The following DMD variants were observed in gnomAD, a reference collection of about 807,000 sequenced individuals.
The protein encoded by DMD is mutant dystrophin.
Under a neutral mutation model 330.1 loss-of-function variants are expected in DMD, and 63 were observed. The observed-to-expected ratio is 0.19, with a 90% CI of 0.16 to 0.24. DMD has a LOEUF of 0.24. Ranked by LOEUF, DMD falls within the 10% of genes least tolerant of loss-of-function variation. DMD has a pLI of 1.00. For missense variants in DMD, 3,344 were observed against 2,684.1 expected (o/e 1.25, Z -5.43); for synonymous variants, 1,223 against 959.8 (o/e 1.27, Z -5.07).
chrX:32,797,216 G>T (rs1022538754), intron 7 of DMD, among the ~76,000 whole-genome samples: 2 of 110,645 alleles, frequency 1.8e-5, no homozygotes, highest in Non-Finnish European at 3.8e-5. Flanking sequence ...TTGAACTCCT[G>T]GCCTAAAGCA....
intron 1 of DMD, among the ~76,000 whole-genome samples, chrX:33,239,670 A>C (rs1321442408): frequency 8.9e-6 from 1 of 111,882 alleles, no homozygotes; most frequent in Non-Finnish European, 1.9e-5. Context: ...GTTCAACATG[A>C]TGGTTTGAAG....
At chrX:32,638,025 G>A (rs942265098) in intron 11 of DMD, among the ~76,000 whole-genome samples, 1 of 111,571 alleles carries the variant, frequency 9.0e-6, no homozygotes, top group Non-Finnish European at 1.9e-5. Context: ...TAGTACAAGA[G>A]ATGTCCACAT....
chrX:33,294,312 T>C (rs1165720822), intron 1 of DMD, among the ~76,000 whole-genome samples: 1 of 111,414 alleles, frequency 9.0e-6, no homozygotes, highest in African/African-American at 3.3e-5. Context: ...CGGGACAGCA[T>C]CCATGGAGCC....
intron 12 of DMD, among the ~76,000 whole-genome samples, chrX:32,607,405 T>C (rs2056817973): frequency 9.2e-6 from 1 of 109,288 alleles, no homozygotes; most frequent in Non-Finnish European, 1.9e-5. Context: ...TAGACCATTA[T>C]GTAAAAATAG....
rs980726430 is a variant in DMD at position 31,712,829 on chromosome X, C to CT, written c.7660+16801dup. On this transcript the variant is annotated intron_variant, in intron 52 of 78. Transcript: ENST00000357033. ...GTGAAAATATGGGTAAGTTTCATGT[C>CT]TTTTCTGGTCATCATTAAGGAAACA... 4.5e-5 allele frequency among the ~76,000 whole-genome samples: 5 copies of CT among 111,551 alleles called. No homozygotes were observed. The Admixed American group carries it at 4.8e-4, about 11-fold the overall frequency.
intron 77 of DMD, among the ~76,000 whole-genome samples, chrX:31,127,954 C>T (rs186393543): frequency 5.0e-4 from 55 of 110,681 alleles, no homozygotes; most frequent in African/African-American, 1.7e-3. Flanking sequence ...AGCTTGACCA[C>T]GTAAGGGCCA....
chrX:31,303,299 C>T (rs1350029029), intron 62 of DMD, among the ~76,000 whole-genome samples: 1 of 110,843 alleles, frequency 9.0e-6, no homozygotes. Flanking sequence ...AACCCAGATG[C>T]GCCTCCTTCT....
chrX:33,331,296 C>T (rs921531336), intron 1 of DMD, among the ~76,000 whole-genome samples: 1 of 111,692 alleles, frequency 9.0e-6, no homozygotes, highest in Non-Finnish European at 1.9e-5. Context: ...CAGGCTTTTA[C>T]TTAATCTCCT....
chrX:32,853,713 T>A, intron 2 of DMD, among the ~76,000 whole-genome samples: 1 of 97,307 alleles, frequency 1.0e-5, no homozygotes. Context: ...GAATAAGTTC[T>A]TAATAATAAA....
At chrX:31,242,729 T>TGC (rs1212292787) in intron 63 of DMD, among the ~76,000 whole-genome samples, 2 of 109,560 alleles carry the variant, frequency 1.8e-5, no homozygotes, top group Non-Finnish European at 3.8e-5. Flanking sequence ...TGTGTGTGTG[T>TGC]GTGTGTCATA....
chrX:31,921,377 C>T (rs2094687763), intron 47 of DMD, among the ~76,000 whole-genome samples: 1 of 111,626 alleles, frequency 9.0e-6, no homozygotes, highest in African/African-American at 3.3e-5. Flanking sequence ...AAAGTAATAT[C>T]AGCGGAATAG....
chrX:33,026,313 CAAAAAAAAAAAAAAAAAAAAAAAAAAA>C (rs56794668), intron 1 of DMD, among the ~76,000 whole-genome samples: 1 of 32,787 alleles, frequency 3.0e-5, no homozygotes, highest in African/African-American at 1.2e-4. Context: ...GACTCCGTCT[CAAAAAAAAAAAAAAAAAAAAAAAAAAA>C]AAAAAAAGAA....
intron 1 of DMD, among the ~76,000 whole-genome samples, chrX:33,221,146 C>A (rs188653046): frequency 3.6e-5 from 4 of 111,081 alleles, no homozygotes; most frequent in African/African-American, 1.3e-4. Context: ...GGAACTGGGC[C>A]GTGGAATAAA....
intron 7 of DMD, among the ~76,000 whole-genome samples, chrX:32,750,919 AG>A (rs1414642077): frequency 3.6e-5 from 4 of 111,432 alleles, no homozygotes; most frequent in African/African-American, 1.3e-4. Context: ...TGGCTTTGTA[AG>A]GGGGAGTTTC....
At chrX:32,201,466 A>G (rs2097036728) in intron 44 of DMD, among the ~76,000 whole-genome samples, 1 of 76,657 alleles carries the variant, frequency 1.3e-5, no homozygotes, top group African/African-American at 4.8e-5. Flanking sequence ...TGCAAATTCA[A>G]ACACCCCCCC....
intron 1 of DMD, among the ~76,000 whole-genome samples, chrX:33,245,247 G>A (rs2052646964): frequency 9.5e-6 from 1 of 105,071 alleles, no homozygotes; most frequent in African/African-American, 3.5e-5. Context: ...GATAGTTAAA[G>A]TAACTGTTAA....
intron 43 of DMD, among the ~76,000 whole-genome samples, chrX:32,250,991 T>C (rs140697747): frequency 0.031 from 3,376 of 107,420 alleles, 56 homozygotes; most frequent in Middle Eastern, 0.094. Flanking sequence ...AGTGGAACAG[T>C]GAGAACACAT....
intron 7 of DMD, among the ~76,000 whole-genome samples, chrX:32,730,535 T>C (rs1044317955): frequency 9.0e-6 from 1 of 111,528 alleles, no homozygotes; most frequent in African/African-American, 3.3e-5. Context: ...TCCTAGGCAA[T>C]AGGAATGACG....
chrX:32,486,633 G>T (rs1328289392), intron 20 of DMD, among the ~76,000 whole-genome samples: 1 of 108,686 alleles, frequency 9.2e-6, no homozygotes, highest in African/African-American at 3.3e-5. Context: ...AAACAGCATG[G>T]TACTGGTACC....
Sources: allele counts gnomAD v4.1 joint callset (sites outside exome capture counted in the v4.1 genomes callset), GRCh38; gene constraint gnomAD v4.1.1; transcripts MANE v1.5; gene names NCBI Gene and HGNC (gene_info 2026-07-23, HGNC 2026-07-21).